MKRN3: variants seen among roughly 807,000 people sequenced by gnomAD.
The protein encoded by MKRN3 is E3 ubiquitin-protein ligase makorin-3.
For missense variants in MKRN3, 749 were observed against 667.0 expected (o/e 1.12, Z -1.35); for synonymous variants, 301 against 250.2 (o/e 1.20, Z -1.91).
Position 23,565,708 on chromosome 15 carries a change from C to T in MKRN3, c.-75C>T. The T allele has an allele frequency of 7.1e-7, 1 of 1,416,132 alleles. No homozygotes were observed. Among genetic ancestry groups the T allele is most frequent in the Non-Finnish European group, 9.3e-7 (1 of 1,071,740 alleles). 87.7% of individuals were successfully genotyped at this position (1,416,132 alleles called of 1,614,324 possible). ...CCAGAGAAGCCTCCGAGCGCGGCCG[C>T]CATTCCGGGCCTCAAGCCCATAAAG... On this transcript the variant is annotated 5_prime_UTR_variant, in exon 1 of 1. Transcript: ENST00000314520.
At position 23,567,102 on chromosome 15, in the gene MKRN3, A is replaced by C; in HGVS notation, c.1320A>C (p.Ala440=). The C allele has an allele frequency of 6.2e-7, 1 of 1,614,208 alleles. No homozygotes were observed. The highest frequency in any genetic ancestry group is 8.5e-7 in the Non-Finnish European group (1 of 1,180,036). Residue 440 remains alanine (A), a synonymous_variant, in exon 1 of 1, where the codon GCA becomes GCC. Coordinates refer to ENST00000314520, the MANE Select transcript of MKRN3 (RefSeq NM_005664.4). ...GGCCAGGTGGTGGGTCATTCAGCGCATACTGGCATCAACTTGTGGAGCCTG... is the reference window on the plus strand; with the variant it reads ...GGCCAGGTGGTGGGTCATTCAGCGCCTACTGGCATCAACTTGTGGAGCCTG... ...PPGPGGGSFS[A]YWHQLVEPVR...
In MKRN3 at chr15:23,567,508, G is replaced by A. The variant is rs977795307; in HGVS notation, c.*202G>A. ...AAGTCCTTAAAGTTACTGTTTTGGT[G>A]AAATTAATATTAATGTCAGCTTATG... On this transcript the variant is annotated 3_prime_UTR_variant, in exon 1 of 1. Transcript: ENST00000314520. 1 of 1,412,936 alleles carries A rather than the reference G, an allele frequency of 7.1e-7. No individual in the cohort carries two copies. Among genetic ancestry groups the A allele is most frequent in the African/African-American group, 1.4e-5 (1 of 69,076 alleles). 87.5% of individuals were successfully genotyped at this position (1,412,936 alleles called of 1,614,324 possible). A position where few individuals can be genotyped will look rare whatever the true frequency, so the allele number is the denominator to read the frequency against.
chr15:23,566,622 C>G lies in MKRN3; in HGVS notation c.840C>G (p.Ala280=). The change falls in exon 1 of 1, where the codon GCC becomes GCG. Residue 280 remains alanine, a synonymous_variant. Transcript: ENST00000314520. ...AGACCTTGCACCCCATGGATGCTGC[C>G]CAGAGGGAAGAACATATGAGGGCCT... ...GLQTLHPMDA[A]QREEHMRACI... The G allele has an allele frequency of 6.2e-7, 1 of 1,614,060 alleles. No homozygotes were observed. The highest frequency in any genetic ancestry group is 8.5e-7 in the Non-Finnish European group (1 of 1,180,016).
At position 23,565,811 on chromosome 15, in the gene MKRN3, C is replaced by A; in HGVS notation, c.29C>A (p.Ala10Asp). The A allele has an allele frequency of 6.2e-7, 1 of 1,607,362 alleles. No homozygotes were observed. The change falls in exon 1 of 1, where the codon GCC becomes GAC. Residue 10 changes from alanine to aspartate, a missense_variant. Coordinates refer to ENST00000314520, the MANE Select transcript of MKRN3 (RefSeq NM_005664.4). Reference sequence around the variant, plus strand: ...GAAGAGCCTGCAGCTCCCTCAGAAGCCCACGAGGCAGCCGGGGCCCAGGCA... The same window carrying A: ...GAAGAGCCTGCAGCTCCCTCAGAAGACCACGAGGCAGCCGGGGCCCAGGCA... The part of the protein sequence containing the change: MEEPAAPSE[A>D]HEAAGAQAGA...
Position 23,566,031 on chromosome 15 carries a change from GC to G in MKRN3, c.252del (p.Ser85ValfsTer86), listed in dbSNP as rs1320112969. 6.2e-7 allele frequency: 1 copy of G among 1,614,004 alleles called. No homozygotes were observed. The highest frequency in any genetic ancestry group is 8.5e-7 in the Non-Finnish European group (1 of 1,180,042). On this transcript the variant is annotated frameshift_variant, in exon 1 of 1. Transcript: ENST00000314520. LOFTEE classifies it low-confidence loss of function (END_TRUNC). ...PAPASGGGAW[P>X]SPLPSRSSGI... Reference sequence around the variant, plus strand: ...CCCCAGCCTCAGGAGGAGGAGCCTGGCCCAGTCCGTTGCCAAGCCGAAGCAG... The same window carrying G: ...CCCCAGCCTCAGGAGGAGGAGCCTGGCCAGTCCGTTGCCAAGCCGAAGCAG...
At position 23,566,742 on chromosome 15, in the gene MKRN3, G is replaced by A; in HGVS notation, c.960G>A (p.Glu320=). The change falls in exon 1 of 1, where the codon GAG becomes GAA. Residue 320 remains glutamate (E), a synonymous_variant. Transcript: ENST00000314520. ...VCGICMEVVY[E]KANPNDRRFG... is the part of the protein sequence containing the mutation. ...GCATCTGCATGGAGGTTGTCTATGAGAAGGCCAACCCCAATGACCGCCGCT... is the reference window on the plus strand; with the variant it reads ...GCATCTGCATGGAGGTTGTCTATGAAAAGGCCAACCCCAATGACCGCCGCT... The A allele has an allele frequency of 6.2e-7, 1 of 1,614,224 alleles. No individual in the cohort carries two copies. Among genetic ancestry groups the A allele is most frequent in the Non-Finnish European group, 8.5e-7 (1 of 1,180,046 alleles).
At position 23,566,237 on chromosome 15, in the gene MKRN3, C is replaced by T. The variant is rs780006913; in HGVS notation, c.455C>T (p.Pro152Leu). 3.8e-5 allele frequency: 62 copies of T among 1,613,568 alleles called. No homozygotes were observed. The highest frequency in any genetic ancestry group is 1.2e-4 in the African/African-American group (9 of 74,952). ...AGCACGGCTGCGCACATCGAGCCCC[C>T]GACTCAGGAAGTGGCGGAAGCCCCC... ...GPSTAAHIEP[P>L]TQEVAEAPPA... The change falls in exon 1 of 1, where the codon CCG becomes CTG. Residue 152 changes from proline (P) to leucine (L), a missense_variant. Physicochemically the swap from Pro to Leu is moderately conservative, Grantham distance 98 (BLOSUM62 -3). Coordinates refer to ENST00000314520, the MANE Select transcript of MKRN3 (RefSeq NM_005664.4).
At position 23,565,924 on chromosome 15, in the gene MKRN3, C is replaced by T. The variant is rs1179556295; in HGVS notation, c.142C>T (p.Leu48=). The T allele has an allele frequency of 6.2e-7, 1 of 1,613,992 alleles. No individual in the cohort carries two copies. The highest frequency in any genetic ancestry group is 1.7e-5 in the Admixed American group (1 of 60,034). Residue 48 remains leucine (L), a synonymous_variant, in exon 1 of 1, where the codon CTG becomes TTG. Transcript: ENST00000314520. ...SGESAAPDSA[L]PHAARGWAPF... ...GGAATCTGCTGCTCCAGATTCAGCC[C>T]TGCCACATGCGGCAAGGGGCTGGGC...
In MKRN3 at chr15:23,566,814, C is replaced by T. The variant is rs1464323427; in HGVS notation, c.1032C>T (p.Ile344=). The change falls in exon 1 of 1, where the codon ATC becomes ATT. Residue 344 remains isoleucine, a synonymous_variant. Coordinates refer to ENST00000314520, the MANE Select transcript of MKRN3 (RefSeq NM_005664.4). ...ACCATTCCTTCTGTATTAGGTGTAT[C>T]CGCAGGTGGAGAAGTGCCAGACAGT... ...NCNHSFCIRC[I]RRWRSARQFE... 6.2e-7 allele frequency: 1 copy of T among 1,614,220 alleles called. No individual in the cohort carries two copies. Among genetic ancestry groups the T allele is most frequent in the South Asian group, 1.1e-5 (1 of 91,084 alleles).
chr15:23,566,690 T>C lies in MKRN3; in HGVS notation c.908T>C (p.Val303Ala). 6.2e-7 allele frequency: 1 copy of C among 1,614,268 alleles called. No homozygotes were observed. Among genetic ancestry groups the C allele is most frequent in the Non-Finnish European group, 8.5e-7 (1 of 1,180,050 alleles). Residue 303 changes from valine to alanine, a missense_variant, in exon 1 of 1, where the codon GTG (valine) becomes GCG (alanine). Physicochemically the swap from Val to Ala is moderately conservative, Grantham distance 64. Coordinates refer to ENST00000314520, the MANE Select transcript of MKRN3 (RefSeq NM_005664.4). Reference sequence around the variant, plus strand: ...AAAGATATGGAACTCTCGTTTGCTGTGCAGCGTGGTATGGACAAGGTGTGT... The same window carrying C: ...AAAGATATGGAACTCTCGTTTGCTGCGCAGCGTGGTATGGACAAGGTGTGT... ...HEKDMELSFA[V>A]QRGMDKVCGI...
Position 23,565,719 on chromosome 15 carries a change from C to T in MKRN3, c.-64C>T. 1 of 1,452,852 alleles carries T rather than the reference C, an allele frequency of 6.9e-7. No individual in the cohort carries two copies. The highest frequency in any genetic ancestry group is 9.1e-7 in the Non-Finnish European group (1 of 1,096,494). 90.0% of individuals were successfully genotyped at this position (1,452,852 alleles called of 1,614,324 possible). On this transcript the variant is annotated 5_prime_UTR_variant, in exon 1 of 1. Coordinates refer to ENST00000314520, the MANE Select transcript of MKRN3 (RefSeq NM_005664.4). Reference sequence around the variant, plus strand: ...TCCGAGCGCGGCCGCCATTCCGGGCCTCAAGCCCATAAAGAAAAAATACCG... The same window carrying T: ...TCCGAGCGCGGCCGCCATTCCGGGCTTCAAGCCCATAAAGAAAAAATACCG...
Position 23,567,821 on chromosome 15 carries a change from A to G in MKRN3, c.*515A>G. 3 of 998,098 alleles carry G rather than the reference A, an allele frequency of 3.0e-6. No homozygotes were observed. The highest frequency in any genetic ancestry group is 3.6e-6 in the Non-Finnish European group (3 of 827,998). 61.8% of individuals were successfully genotyped at this position (998,098 alleles called of 1,614,324 possible). ...TGTGATTTTGTGTTTTACTTGACCA[A>G]AACCAAGTGTATATGTTTACATGTT... On this transcript the variant is annotated 3_prime_UTR_variant, in exon 1 of 1. Transcript: ENST00000314520.
In MKRN3 at chr15:23,566,721, C is replaced by A; in HGVS notation, c.939C>A (p.Ile313=). Residue 313 remains isoleucine, a synonymous_variant, in exon 1 of 1, where the codon ATC becomes ATA. Transcript: ENST00000314520. The stretch of plus-strand genomic sequence containing the variant: ...GTGGTATGGACAAGGTGTGTGGCAT[C>A]TGCATGGAGGTTGTCTATGAGAAGG... The part of the protein sequence containing the change: ...VQRGMDKVCG[I]CMEVVYEKAN... The A allele has an allele frequency of 6.2e-7, 1 of 1,614,232 alleles. No individual in the cohort carries two copies. The highest frequency in any genetic ancestry group is 2.2e-5 in the East Asian group (1 of 44,880).
In MKRN3 at chr15:23,567,510, AATTAAT is replaced by A. The variant is rs747038448; in HGVS notation, c.*211_*216del. 1 of 1,407,622 alleles carries A rather than the reference AATTAAT, an allele frequency of 7.1e-7. No individual in the cohort carries two copies. The highest frequency in any genetic ancestry group is 1.7e-5 in the South Asian group (1 of 57,184). The allele number at this position is 1,407,622 out of a possible 1,614,324, so 87.2% of individuals were successfully genotyped here. A position where few individuals can be genotyped will look rare whatever the true frequency, so the allele number is the denominator to read the frequency against. On this transcript the variant is annotated 3_prime_UTR_variant, in exon 1 of 1. Transcript: ENST00000314520. ...GTCCTTAAAGTTACTGTTTTGGTGA[AATTAAT>A]ATTAATGTCAGCTTATGGCTTTTTT...
rs116680462 is a variant in MKRN3, at chr15:23,567,301, C to G, written c.1519C>G (p.Leu507Val). 251 of 1,613,870 alleles carry G rather than the reference C, an allele frequency of 1.6e-4. 1 individual carries two copies. The African/African-American group carries it at 3.1e-3, about 20-fold the overall frequency. ...GCTGGAAGAATATTTCAATTTGATT[C>G]TGTAGCATCGTGCTGTGGCATGTGG... ...YELEEYFNLI[L>V] Residue 507 changes from leucine to valine, a missense_variant, in exon 1 of 1, where the codon CTG becomes GTG. Transcript: ENST00000314520.
rs1478842590 is a variant in MKRN3, at chr15:23,568,004, T to C, written c.*698T>C. ...TAATATTTATGTTTATGTAATAAAG[T>C]AAATACAGAGCTGAAAGCTGAAGGT... On this transcript the variant is annotated 3_prime_UTR_variant, in exon 1 of 1. Coordinates refer to ENST00000314520, the MANE Select transcript of MKRN3 (RefSeq NM_005664.4). 2 of 708,872 alleles carry C rather than the reference T, an allele frequency of 2.8e-6. No homozygotes were observed. Among genetic ancestry groups the C allele is most frequent in the Non-Finnish European group, 3.5e-6 (2 of 576,404 alleles). The allele number at this position is 708,872 out of a possible 1,614,324, so 43.9% of individuals were successfully genotyped here.
rs768296834 is a variant in MKRN3, at chr15:23,566,045, CAAGCCG to C, written c.268_273del (p.Arg90_Ser91del). On this transcript the variant is annotated inframe_deletion, in exon 1 of 1. Coordinates refer to ENST00000314520, the MANE Select transcript of MKRN3 (RefSeq NM_005664.4). Reference sequence around the variant, plus strand: ...GGAGGAGCCTGGCCCAGTCCGTTGCCAAGCCGAAGCAGCGGCATTTGGACAAAGCAG... The same window carrying C: ...GGAGGAGCCTGGCCCAGTCCGTTGCCAAGCAGCGGCATTTGGACAAAGCAG... 6.2e-7 allele frequency: 1 copy of C among 1,613,886 alleles called. No individual in the cohort carries two copies. The highest frequency in any genetic ancestry group is 1.3e-5 in the African/African-American group (1 of 74,954).
Position 23,566,149 on chromosome 15 carries a change from GGTCGGAA to G in MKRN3, c.369_375del (p.Arg124TrpfsTer45). On this transcript the variant is annotated frameshift_variant, in exon 1 of 1. Transcript: ENST00000314520. LOFTEE classifies it low-confidence loss of function (END_TRUNC). ...CTGTCGCTATTCGCACGACCTTTCT[GGTCGGAA>G]GATGGCCACTGAGGGTGGCGTTTCG... The G allele has an allele frequency of 6.2e-7, 1 of 1,614,100 alleles. No homozygotes were observed. The highest frequency in any genetic ancestry group is 8.5e-7 in the Non-Finnish European group (1 of 1,180,012).
Position 23,566,554 on chromosome 15 carries a change from T to C in MKRN3, c.772T>C (p.Cys258Arg). ...SRGVCFRGES[C>R]MYLHGDICDM... The stretch of plus-strand genomic sequence containing the variant: ...GGGAGTTTGCTTTCGTGGGGAGAGC[T>C]GTATGTACCTCCATGGAGACATATG... The change falls in exon 1 of 1, where the codon TGT (cysteine) becomes CGT (arginine). Residue 258 changes from cysteine to arginine, a missense_variant. Coordinates refer to ENST00000314520, the MANE Select transcript of MKRN3 (RefSeq NM_005664.4). The C allele has an allele frequency of 1.2e-6, 2 of 1,614,124 alleles. No individual in the cohort carries two copies. The highest frequency in any genetic ancestry group is 1.7e-6 in the Non-Finnish European group (2 of 1,180,002).
Sources: gnomAD v4.1 joint callset for allele counts on GRCh38, gnomAD v4.1.1 for gene constraint, MANE v1.5 for transcripts, NCBI Gene and HGNC (gene_info 2026-07-23, HGNC 2026-07-21) for gene names.